The following PTK2 variants were observed in gnomAD, a reference collection of about 807,000 sequenced individuals.
PTK2 encodes the protein protein tyrosine kinase 2.
A neutral mutation model predicts 150.1 loss-of-function variants in PTK2; 45 were observed. The observed-to-expected ratio is 0.30, with a 90% CI of 0.24 to 0.38. PTK2 has a LOEUF of 0.38. Ranked by LOEUF, PTK2 falls within the 10% of genes least tolerant of loss-of-function variation. The pLI is 1.00. For synonymous variants in PTK2, 432 were observed against 449.2 expected (o/e 0.96, Z 0.48); for missense variants, 919 against 1,307.3 (o/e 0.70, Z 4.58).
chr8:140,726,450 C>G (rs1327546768), intron 22 of PTK2, among the ~76,000 whole-genome samples: 4 of 152,124 alleles, frequency 2.6e-5, no homozygotes, highest in African/African-American at 9.7e-5. Context: ...GAAAACCACA[C>G]CCAAGCACAT....
chr8:140,784,248 G>C (rs565800943), intron 14 of PTK2, among the ~76,000 whole-genome samples: 59 of 152,230 alleles, frequency 3.9e-4, no homozygotes, highest in African/African-American at 1.3e-3. Context: ...TCACTGCATT[G>C]GTGTACATGA....
At chr8:140,919,152 G>A (rs1234786094) in intron 2 of PTK2, among the ~76,000 whole-genome samples, 1 of 152,208 alleles carries the variant, frequency 6.6e-6, no homozygotes, top group Non-Finnish European at 1.5e-5. Flanking sequence ...CCATGTATAT[G>A]AGGAGATGGC....
chr8:140,766,300 G>A (rs187809080), intron 14 of PTK2, among the ~76,000 whole-genome samples: 103 of 152,236 alleles, frequency 6.8e-4, no homozygotes, highest in Non-Finnish European at 1.4e-3. Context: ...TAATGAAGAA[G>A]GGCATAAAGC....
intron 23 of PTK2, among the ~76,000 whole-genome samples, chr8:140,709,709 C>G (rs946346276): frequency 6.6e-6 from 1 of 152,122 alleles, no homozygotes; most frequent in Non-Finnish European, 1.5e-5. Flanking sequence ...CTGGTAAGTA[C>G]GATGAGTTAG....
intron 1 of PTK2, among the ~76,000 whole-genome samples, chr8:140,931,712 A>C (rs1446573840): frequency 6.6e-6 from 1 of 152,076 alleles, no homozygotes; most frequent in East Asian, 1.9e-4. Context: ...AGGCAGGAGG[A>C]TCACTTGAGC....
intron 2 of PTK2, chr8:140,921,153 G>T: frequency 8.2e-7 from 1 of 1,217,532 alleles, no homozygotes; most frequent in Non-Finnish European, 1.0e-6. Flanking sequence ...GACCATCCTG[G>T]CTAGATCAAG....
intron 1 of PTK2, chr8:140,927,462 T>C (rs187614632): frequency 6.6e-6 from 1 of 152,334 alleles, no homozygotes; most frequent in East Asian, 1.9e-4. Flanking sequence ...TCTGGGTTAC[T>C]TGTCAGAAAT....
chr8:140,822,223 A>G (rs1340570639), intron 8 of PTK2: 4 of 152,256 alleles, frequency 2.6e-5, no homozygotes, highest in Non-Finnish European at 5.9e-5. Flanking sequence ...CATACACTGC[A>G]TAATCAGAAC....
intron 5 of PTK2, among the ~76,000 whole-genome samples, chr8:140,850,660 G>A (rs2100128720): frequency 6.6e-6 from 1 of 152,086 alleles, no homozygotes; most frequent in Admixed American, 6.5e-5. Flanking sequence ...AACGCGGGAG[G>A]CGGAGCTTGC....
intron 1 of PTK2, among the ~76,000 whole-genome samples, chr8:140,961,900 GTGGT>G (rs2154609402): frequency 6.6e-6 from 1 of 152,160 alleles, no homozygotes; most frequent in East Asian, 1.9e-4. Context: ...AACTGGAGTG[GTGGT>G]GTTTTAGGAA....
chr8:140,681,560 G>A (rs753587699), intron 27 of PTK2, among the ~76,000 whole-genome samples: 7 of 151,986 alleles, frequency 4.6e-5, no homozygotes, highest in South Asian at 4.2e-4. Context: ...GGGGGATCAC[G>A]AAGTCAGGAG....
At position 140,803,629 on chromosome 8, in the gene PTK2, T is replaced by C. The variant is rs138310449; in HGVS notation, c.889A>G (p.Thr297Ala). The change falls in exon 11 of 32, where the codon ACT becomes GCT. Residue 297 changes from threonine to alanine, a missense_variant. Transcript: ENST00000522684. ...GAATACTGAATGGTTTGCACTTGAG[T>C]GAAGTCAGCAAGATGTGTGGGCTAT... 8 of 1,613,858 alleles carry C rather than the reference T, an allele frequency of 5.0e-6. No individual in the cohort carries two copies. In the African/African-American group the frequency reaches 8.0e-5, roughly 16 times the overall value.
chr8:140,879,648 C>A lies in PTK2; in HGVS notation c.196-11G>T, dbSNP rs1335251026. Reference sequence around the variant, plus strand: ...CTTCTGAATGATGCCCTAAAACATACCCCCCACAAGAATGACTGTTATAAA... The same window carrying A: ...CTTCTGAATGATGCCCTAAAACATAACCCCCACAAGAATGACTGTTATAAA... On this transcript the variant is annotated splice_polypyrimidine_tract_variant and intron_variant, in intron 3 of 31. Transcript: ENST00000522684. The A allele has an allele frequency of 3.0e-6, 4 of 1,323,110 alleles. No homozygotes were observed. Among genetic ancestry groups the A allele is most frequent in the Non-Finnish European group, 4.1e-6 (4 of 981,074 alleles). The allele number at this position is 1,323,110 out of a possible 1,614,324, so 82.0% of individuals were successfully genotyped here. A position where few individuals can be genotyped will look rare whatever the true frequency, so the allele number is the denominator to read the frequency against.
intron 10 of PTK2, among the ~76,000 whole-genome samples, chr8:140,810,395 C>T (rs1284747063): frequency 6.6e-6 from 1 of 152,180 alleles, no homozygotes; most frequent in East Asian, 1.9e-4. Context: ...ACCTGAGCAC[C>T]CCTTGGGCTT....
At chr8:140,913,113 T>A (rs550420649) in intron 2 of PTK2, among the ~76,000 whole-genome samples, 49 of 152,182 alleles carry the variant, frequency 3.2e-4, no homozygotes, top group African/African-American at 1.1e-3. Flanking sequence ...GGCAAAGACA[T>A]AGATGAAGAT....
chr8:140,922,205 T>C (rs1028956543), intron 2 of PTK2, among the ~76,000 whole-genome samples: 15 of 152,144 alleles, frequency 9.9e-5, no homozygotes, highest in Non-Finnish European at 2.1e-4. Context: ...TCTAACATGC[T>C]ACTCTTGATG....
At chr8:140,967,840 A>C (rs1272801624) in intron 1 of PTK2, among the ~76,000 whole-genome samples, 1 of 152,168 alleles carries the variant, frequency 6.6e-6, no homozygotes, top group Non-Finnish European at 1.5e-5. Flanking sequence ...CAACCACTTT[A>C]TACCAATTTT....
At chr8:140,905,876 C>G (rs2100160677) in intron 2 of PTK2, among the ~76,000 whole-genome samples, 1 of 152,104 alleles carries the variant, frequency 6.6e-6, no homozygotes, top group Non-Finnish European at 1.5e-5. Context: ...CAAAACTGCA[C>G]AACTACATGG....
intron 20 of PTK2, among the ~76,000 whole-genome samples, chr8:140,741,956 C>A (rs1434955629): frequency 2.0e-5 from 3 of 151,926 alleles, no homozygotes; most frequent in African/African-American, 7.3e-5. Flanking sequence ...CCAGCCTAGG[C>A]AACACGGCAA....
Sources: gnomAD v4.1 joint callset for allele counts (sites outside exome capture counted in the v4.1 genomes callset) on GRCh38, gnomAD v4.1.1 for gene constraint, MANE v1.5 for transcripts, NCBI Gene and HGNC (gene_info 2026-07-23, HGNC 2026-07-21) for gene names.